Variants in ANO1 observed in about 807,000 individuals in gnomAD.
ANO1 encodes the protein anoctamin 1, also known as anoctamin-1.
A neutral mutation model predicts 124.0 loss-of-function variants in ANO1; 59 were observed. That is an observed-to-expected ratio of 0.48 (90% CI 0.39 to 0.59). The LOEUF is 0.59. ANO1 is among the 20% of genes least tolerant of loss of function. The pLI is 0.00. For missense variants in ANO1, 1,059 were observed against 1,328.0 expected, an observed-to-expected ratio of 0.80 and a Z score of 3.15; for synonymous variants, 529 against 532.0, an observed-to-expected ratio of 0.99 and a Z score of 0.08.
chr11:70,025,728 GTGA>G (rs1555003107), intron 1 of ANO1, among the ~76,000 whole-genome samples: 21 of 143,002 alleles, frequency 1.5e-4, no homozygotes, highest in East Asian at 4.5e-4. Flanking sequence ...GATGGTGGTG[GTGA>G]TGGTGATGAT....
intron 1 of ANO1, among the ~76,000 whole-genome samples, chr11:70,006,663 C>CTTTTTTTTTTTTTTTTTTTTTTT: frequency 1.1e-5 from 1 of 89,010 alleles, no homozygotes; most frequent in Non-Finnish European, 2.1e-5. Flanking sequence ...TTTCTTCTTT[C>CTTTTTTTTTTTTTTTTTTTTTTT]TTTTTTTTTT....
At chr11:70,145,226 C>T (rs1462159998) in intron 11 of ANO1, among the ~76,000 whole-genome samples, 2 of 152,144 alleles carry the variant, frequency 1.3e-5, no homozygotes, top group Admixed American at 6.5e-5. Context: ...AGGCGCAGCA[C>T]GAGCCTTCAC....
the ANO1 span, among the ~76,000 whole-genome samples, chr11:69,969,911 C>T: frequency 6.6e-6 from 1 of 152,128 alleles, no homozygotes; most frequent in East Asian, 1.9e-4. Flanking sequence ...CATGCCACTG[C>T]ACTCCAGCCT....
At chr11:70,177,179 C>G (rs992665470) in intron 22 of ANO1, among the ~76,000 whole-genome samples, 1 of 152,244 alleles carries the variant, frequency 6.6e-6, no homozygotes, top group South Asian at 2.1e-4. Context: ...CGGCCCTGAA[C>G]TCAGGAGCCA....
intron 14 of ANO1, 121 bp from the exon 15 acceptor site, chr11:70,155,790 C>A: frequency 1.2e-6 from 1 of 868,046 alleles, no homozygotes; most frequent in South Asian, 1.9e-5. Flanking sequence ...AGTGAGCTTA[C>A]GGCCCGCACC....
chr11:70,100,022 A>C (rs1414099766), intron 2 of ANO1, among the ~76,000 whole-genome samples: 11 of 151,802 alleles, frequency 7.2e-5, no homozygotes, highest in Non-Finnish European at 1.5e-4. Context: ...CCAAACCCAC[A>C]CCTTATGTCC....
At chr11:70,144,493 C>T (rs2047278631) in intron 11 of ANO1, among the ~76,000 whole-genome samples, 1 of 152,214 alleles carries the variant, frequency 6.6e-6, no homozygotes, top group Non-Finnish European at 1.5e-5. Flanking sequence ...CCATGCTCAC[C>T]CTGATGAGAT....
At chr11:70,008,275 CT>C (rs1477838365) in intron 1 of ANO1, among the ~76,000 whole-genome samples, 7 of 152,164 alleles carry the variant, frequency 4.6e-5, no homozygotes, top group Non-Finnish European at 7.4e-5. Context: ...TCTCATTTTG[CT>C]TTGGTTGCCT....
Position 70,103,277 on chromosome 11 carries a change from C to A in ANO1, c.540+113C>A. 4.9e-6 allele frequency: 4 copies of A among 816,040 alleles called. 1 individual carries two copies. In the South Asian group the frequency reaches 5.5e-5, roughly 11 times the overall value. 50.5% of individuals were successfully genotyped at this position (816,040 alleles called of 1,614,324 possible). On this transcript the variant is annotated intron_variant, in intron 3 of 25. Coordinates refer to ENST00000355303, the MANE Select transcript of ANO1 (RefSeq NM_018043.7). ...CCCTGAGTTTTATAAAAAAAAAACCCAGTGGGCTTCACGGCTACCCCTGCA... is the reference window on the plus strand; with the variant it reads ...CCCTGAGTTTTATAAAAAAAAAACCAAGTGGGCTTCACGGCTACCCCTGCA...
chr11:70,179,164 C>T (rs769348353), intron 22 of ANO1, among the ~76,000 whole-genome samples: 6 of 152,248 alleles, frequency 3.9e-5, no homozygotes, highest in Non-Finnish European at 7.3e-5. Context: ...CCGTTTCTGA[C>T]GAGTGCTGGT....
chr11:70,156,065 A>C, intron 15 of ANO1, 77 bp downstream of exon 15: 1 of 1,302,794 alleles, frequency 7.7e-7, no homozygotes, highest in Non-Finnish European at 1.0e-6. Flanking sequence ...TTTCCTCAAC[A>C]AACTGTTGTA....
chr11:70,026,030 G>A (rs951104297), intron 1 of ANO1, among the ~76,000 whole-genome samples: 8 of 149,688 alleles, frequency 5.3e-5, no homozygotes, highest in Non-Finnish European at 1.2e-4. Flanking sequence ...TGATGGTGAT[G>A]ATGATGGTGA....
the ANO1 span, among the ~76,000 whole-genome samples, chr11:69,975,353 G>T: frequency 2.6e-5 from 4 of 152,240 alleles, no homozygotes; most frequent in Non-Finnish European, 4.4e-5. Context: ...CCCCAAAATG[G>T]CAAATGCCTA....
intron 11 of ANO1, chr11:70,141,706 G>T (rs1175059171): frequency 2.0e-5 from 3 of 152,218 alleles, no homozygotes; most frequent in Non-Finnish European, 4.4e-5. Flanking sequence ...GCTGTCAAGG[G>T]TAATTACCAG....
At position 70,122,565 on chromosome 11, in the gene ANO1, G is replaced by GTC. The variant is rs543479322; in HGVS notation, c.898-1776_898-1775dup. ...TGTCTCTCCATCTGCCTCTGTCTCT[G>GTC]TCTCTCTCTCCACCTCCCCACCTCT... is the stretch of plus-strand genomic sequence containing the variant. On this transcript the variant is annotated intron_variant, in intron 8 of 25. Coordinates refer to ENST00000355303, the MANE Select transcript of ANO1 (RefSeq NM_018043.7). Among the ~76,000 whole-genome samples the GTC allele has an allele frequency of 3.0e-3, 409 of 134,528 alleles. 3 individuals are homozygous for GTC. The highest frequency in any genetic ancestry group is 0.011 in the African/African-American group (390 of 35,124). The allele number at this position is 134,528 out of a possible 152,430, so 88.3% of individuals were successfully genotyped here.
chr11:70,173,967 A>C (rs920017987), intron 22 of ANO1, among the ~76,000 whole-genome samples: 63 of 148,986 alleles, frequency 4.2e-4, no homozygotes, highest in African/African-American at 1.5e-3. Flanking sequence ...ATGGGGTCTC[A>C]CTCTGTTGCC....
the ANO1 span, among the ~76,000 whole-genome samples, chr11:69,972,912 C>CTTTT: frequency 1.7e-4 from 25 of 144,422 alleles, no homozygotes; most frequent in South Asian, 4.3e-4. Flanking sequence ...TTTTCTTTTT[C>CTTTT]TTTCTTTTTT....
intron 11 of ANO1, 61 bp from the exon 12 acceptor site, chr11:70,149,649 T>TAAAAA: frequency 1.4e-6 from 2 of 1,381,230 alleles, no homozygotes; most frequent in Non-Finnish European, 2.0e-6. Flanking sequence ...AAACTCTGTC[T>TAAAAA]AAAAAAAAAA....
intron 11 of ANO1, among the ~76,000 whole-genome samples, chr11:70,143,978 C>T (rs1477318150): frequency 1.3e-5 from 2 of 152,094 alleles, no homozygotes; most frequent in African/African-American, 4.8e-5. Context: ...ATGAAGCAGT[C>T]GGTCCCCCTT....
Sources: allele counts gnomAD v4.1 joint callset (sites outside exome capture counted in the v4.1 genomes callset), GRCh38; gene constraint gnomAD v4.1.1; transcripts MANE v1.5; gene names NCBI Gene and HGNC (gene_info 2026-07-23, HGNC 2026-07-21).